WDR31: variants seen among roughly 807,000 people sequenced by gnomAD.
WDR31 encodes WD repeat-containing protein 31.
WDR31 carries 30 observed loss-of-function variants against 47.3 expected under a neutral mutation model. The ratio of observed to expected loss-of-function variants is 0.63; its 90% CI spans 0.47 to 0.86. The LOEUF (loss-of-function observed/expected upper bound fraction) is 0.86, where lower values mean the gene tolerates loss of function less well. Among genes scored for constraint, WDR31 ranks in the 40% least tolerant of loss-of-function variants. The pLI is 0.00. For missense variants in WDR31, 406 were observed against 442.9 expected (o/e 0.92, Z 0.75); for synonymous variants, 137 against 159.4 (o/e 0.86, Z 1.06).
At position 113,316,722 on chromosome 9, in the gene WDR31, A is replaced by G. The variant is rs1053187347; in HGVS notation, c.*27T>C. The G allele has an allele frequency of 4.4e-6, 7 of 1,605,350 alleles. No homozygotes were observed. Among genetic ancestry groups the G allele is most frequent in the Non-Finnish European group, 6.0e-6 (7 of 1,175,350 alleles). On this transcript the variant is annotated 3_prime_UTR_variant, in exon 11 of 11. Coordinates refer to ENST00000374193, the MANE Select transcript of WDR31 (RefSeq NM_001012361.4). ...CATGCTGAGGAGGAGCCATGGTTTG[A>G]TATTGTCCAGTGAGTGTCTCTTGGC...
At position 113,320,388 on chromosome 9, in the gene WDR31, T is replaced by C. The variant is rs1833298843; in HGVS notation, c.749A>G (p.Asn250Ser). The C allele has an allele frequency of 2.5e-6, 4 of 1,614,100 alleles. No homozygotes were observed. Among genetic ancestry groups the C allele is most frequent in the South Asian group, 2.2e-5 (2 of 91,074 alleles). The change falls in exon 9 of 11, where the codon AAT (asparagine) becomes AGT (serine). Residue 250 changes from asparagine (N) to serine (S), a missense_variant. Physicochemically the swap from Asn to Ser is conservative, Grantham distance 46. Transcript: ENST00000374193. ...TTCACAGCCTTCTCCTCCAAAGCCA[T>C]TGCTGCAGGAGATACACTTGTGTCC... Reference protein sequence around the residue: ...VDGHKCISCSNGFGGEGCEAT... With the variant: ...VDGHKCISCSSGFGGEGCEAT...
At chr9:113,317,249 T>C (rs1833226579) in intron 10 of WDR31, among the ~76,000 whole-genome samples, 1 of 152,144 alleles carries the variant, frequency 6.6e-6, no homozygotes. Flanking sequence ...ACAAGGATAC[T>C]GATCTTTAGC....
intron 5 of WDR31, 73 bp downstream of exon 5, chr9:113,328,808 C>G (rs1725275005): frequency 3.1e-6 from 4 of 1,302,604 alleles, no homozygotes; most frequent in Non-Finnish European, 4.4e-6. Context: ...TTCAATCACT[C>G]TTAATATCTA....
chr9:113,319,062 C>G (rs1833272082), intron 9 of WDR31, among the ~76,000 whole-genome samples: 1 of 152,088 alleles, frequency 6.6e-6, no homozygotes, highest in Non-Finnish European at 1.5e-5. Context: ...TGTGGGGACC[C>G]CGTAGTTAGA....
rs1391139007 is a variant in WDR31 at position 113,313,278 on chromosome 9, C to T, written c.*3471G>A. ...AGAACCCTACTAACTCATCAGAGCC[C>T]CACTATTTTCTCCCGTGTACTTTCC... On this transcript the variant is annotated 3_prime_UTR_variant, in exon 11 of 11. Coordinates refer to ENST00000374193, the MANE Select transcript of WDR31 (RefSeq NM_001012361.4). The T allele has an allele frequency of 7.2e-5, 11 of 152,192 alleles. No individual in the cohort carries two copies. Among genetic ancestry groups the T allele is most frequent in the African/African-American group, 2.7e-4 (11 of 41,436 alleles). 9.4% of individuals were successfully genotyped at this position (152,192 alleles called of 1,614,324 possible). A position where few individuals can be genotyped will look rare whatever the true frequency, so the allele number is the denominator to read the frequency against.
chr9:113,322,431 C>T (rs1360641657), intron 7 of WDR31, among the ~76,000 whole-genome samples: 1 of 152,112 alleles, frequency 6.6e-6, no homozygotes, highest in African/African-American at 2.4e-5. Context: ...GCTTATTTCT[C>T]CACATGATGT....
chr9:113,325,657 C>T (rs12378096), intron 5 of WDR31, among the ~76,000 whole-genome samples: 18,098 of 151,446 alleles, frequency 0.12, 1,170 homozygotes, highest in Non-Finnish European at 0.14. Flanking sequence ...ACTTCTGGCT[C>T]GTTCCCACTT....
chr9:113,331,180 G>A (rs1237561138), intron 3 of WDR31, 64 bp from the exon 4 acceptor site: 4 of 1,119,364 alleles, frequency 3.6e-6, no homozygotes, highest in Admixed American at 2.6e-5. Flanking sequence ...GGGGTGGGGT[G>A]GGGTAGGGAG....
intron 5 of WDR31, among the ~76,000 whole-genome samples, chr9:113,327,570 C>T (rs1357589955): frequency 6.6e-6 from 1 of 152,148 alleles, no homozygotes; most frequent in Non-Finnish European, 1.5e-5. Flanking sequence ...TTGATTATGT[C>T]TTGATTTGTC....
Position 113,331,942 on chromosome 9 carries a change from C to T in WDR31, c.81G>A (p.Gln27=). The T allele has an allele frequency of 1.2e-6, 2 of 1,613,904 alleles. No individual in the cohort carries two copies. Among genetic ancestry groups the T allele is most frequent in the Non-Finnish European group, 1.7e-6 (2 of 1,179,814 alleles). The part of the protein sequence containing the change: ...SFRFCVVMGK[Q]QSKLKHSTYK... Reference sequence around the variant, plus strand: ...AAGTGCTGTGTTTGAGTTTGCTTTGCTGTTTCCCCATCACGACACAAAACC... The same window carrying T: ...AAGTGCTGTGTTTGAGTTTGCTTTGTTGTTTCCCCATCACGACACAAAACC... Residue 27 remains glutamine (Q), a synonymous_variant, in exon 3 of 11, where the codon CAG becomes CAA. Coordinates refer to ENST00000374193, the MANE Select transcript of WDR31 (RefSeq NM_001012361.4).
Position 113,316,640 on chromosome 9 carries a change from A to C in WDR31, c.*109T>G. ...ATACATCTTGTAAATGAACCTAAGC[A>C]AAGAATACCAGCCCTACATCCCACT... On this transcript the variant is annotated 3_prime_UTR_variant, in exon 11 of 11. Coordinates refer to ENST00000374193, the MANE Select transcript of WDR31 (RefSeq NM_001012361.4). 7.4e-7 allele frequency: 1 copy of C among 1,358,554 alleles called. No homozygotes were observed. The allele number at this position is 1,358,554 out of a possible 1,614,324, so 84.2% of individuals were successfully genotyped here. A position where few individuals can be genotyped will look rare whatever the true frequency, so the allele number is the denominator to read the frequency against.
At chr9:113,324,389 CTTT>C (rs536508042) in intron 5 of WDR31, among the ~76,000 whole-genome samples, 12 of 129,072 alleles carry the variant, frequency 9.3e-5, no homozygotes, top group South Asian at 2.5e-4. Flanking sequence ...AATTTCATTC[CTTT>C]TTTTTTTTTT....
intron 4 of WDR31, 56 bp downstream of exon 4, chr9:113,330,928 A>G (rs1833581414): frequency 6.5e-7 from 1 of 1,530,224 alleles, no homozygotes; most frequent in South Asian, 1.2e-5. Context: ...TCCTTTCAAA[A>G]TATCTTCCTT....
chr9:113,331,113 C>A lies in WDR31; in HGVS notation c.120G>T (p.Arg40Ser), dbSNP rs1013839245. ...KLKHSTYKYG[R>S]PDEIIEERIQ... ...TTCTCTCTTCTATAATTTCATCAGGCCTGCTAAAAAGAGTATAGAAAATGA... is the reference window on the plus strand; with the variant it reads ...TTCTCTCTTCTATAATTTCATCAGGACTGCTAAAAAGAGTATAGAAAATGA... Residue 40 changes from arginine to serine, a missense_variant, in exon 4 of 11, where the codon AGG (arginine) becomes AGT (serine). Transcript: ENST00000374193. 2 of 1,567,560 alleles carry A rather than the reference C, an allele frequency of 1.3e-6. No homozygotes were observed. The highest frequency in any genetic ancestry group is 1.7e-6 in the Non-Finnish European group (2 of 1,150,546).
chr9:113,330,099 CATTATT>C lies in WDR31; in HGVS notation c.249+879_249+884del, dbSNP rs1042645877. 1.2e-4 allele frequency among the ~76,000 whole-genome samples: 18 copies of C among 152,036 alleles called. No homozygotes were observed. The East Asian group carries it at 2.7e-3, about 23-fold the overall frequency. On this transcript the variant is annotated intron_variant, in intron 4 of 10. Transcript: ENST00000374193. ...CTAAAAGGCTATTGAAAATGAGAGA[CATTATT>C]ATTATTATTTTTTGAGACAGAGTCT...
intron 1 of WDR31, among the ~76,000 whole-genome samples, chr9:113,339,653 T>C (rs1438998013): frequency 6.6e-6 from 1 of 152,180 alleles, no homozygotes; most frequent in Admixed American, 6.5e-5. Flanking sequence ...ACGACTTGTG[T>C]GCAGTTTTTC....
At chr9:113,334,135 C>CT (rs1476569678) in intron 2 of WDR31, among the ~76,000 whole-genome samples, 2 of 152,092 alleles carry the variant, frequency 1.3e-5, no homozygotes, top group Non-Finnish European at 2.9e-5. Flanking sequence ...TCCCAGGGAG[C>CT]TGGGACTACA....
In WDR31 at chr9:113,336,671, T is replaced by C. The variant is rs372997618; in HGVS notation, c.-181-231A>G. ...TTTGATTTTGCTCATAACATAGTACTTCTATTCATCAAAAATCTTGAGTTG... is the reference window on the plus strand; with the variant it reads ...TTTGATTTTGCTCATAACATAGTACCTCTATTCATCAAAAATCTTGAGTTG... On this transcript the variant is annotated intron_variant, in intron 1 of 10. Transcript: ENST00000374193. Among the ~76,000 whole-genome samples the C allele has an allele frequency of 7.3e-4, 111 of 152,354 alleles. 1 individual carries two copies. The South Asian group carries it at 0.018, about 25-fold the overall frequency.
intron 1 of WDR31, among the ~76,000 whole-genome samples, chr9:113,337,174 C>G (rs986464210): frequency 6.6e-6 from 1 of 152,066 alleles, no homozygotes; most frequent in Non-Finnish European, 1.5e-5. Context: ...CAACTGTGGC[C>G]TTGGGCAAGT....
Sources: allele counts gnomAD v4.1 joint callset (sites outside exome capture counted in the v4.1 genomes callset), GRCh38; gene constraint gnomAD v4.1.1; transcripts MANE v1.5; gene names NCBI Gene and HGNC (gene_info 2026-07-23, HGNC 2026-07-21).